The following MYH13 variants were observed in gnomAD, a reference collection of about 807,000 sequenced individuals.
The protein encoded by MYH13 is myosin-13.
MYH13 carries 177 observed loss-of-function variants against 232.1 expected under a neutral mutation model. That is an observed-to-expected ratio of 0.76 (90% CI 0.67 to 0.86). The LOEUF (loss-of-function observed/expected upper bound fraction) is 0.86, where lower values mean the gene tolerates loss of function less well. Among genes scored for constraint, MYH13 ranks in the 40% least tolerant of loss-of-function variants. The probability of loss-of-function intolerance (pLI) is 0.00; values close to 1 mark genes in which losing one functional copy is unlikely to be tolerated. For missense variants in MYH13, 2,246 were observed against 2,405.9 expected (o/e 0.93, Z 1.39); for synonymous variants, 884 against 923.5 (o/e 0.96, Z 0.78).
intron 23 of MYH13, among the ~76,000 whole-genome samples, chr17:10,323,775 AAAAAAAAAAAAAAAGAAG>A (rs1275918208): frequency 5.1e-5 from 4 of 77,874 alleles, no homozygotes; most frequent in African/African-American, 1.9e-4. Flanking sequence ...AAAAAAAAAA[AAAAAAAAAAAAAAAGAAG>A]AAGAAGAAGA....
At chr17:10,350,090 C>A (rs1427930409) in intron 12 of MYH13, among the ~76,000 whole-genome samples, 4 of 152,054 alleles carry the variant, frequency 2.6e-5, no homozygotes, top group Non-Finnish European at 5.9e-5. Flanking sequence ...GGAGGAAGAA[C>A]CGTTCACCAT....
chr17:10,309,917 A>T, intron 33 of MYH13, 87 bp from the exon 34 acceptor site: 1 of 1,085,080 alleles, frequency 9.2e-7, no homozygotes, highest in Non-Finnish European at 1.2e-6. Flanking sequence ...TCAAATGGGT[A>T]TGCGTTTTTT....
At position 10,304,274 on chromosome 17, in the gene MYH13, C is replaced by T. The variant is rs553877580; in HGVS notation, c.5467-776G>A. On this transcript the variant is annotated intron_variant, in intron 37 of 40. Transcript: ENST00000252172. The surrounding 1 kb of genome is among the most constrained non-coding windows in gnomAD (Gnocchi z 5.3). ...CAGAACTTAAAGTTAGAACAAAAAA[C>T]GATCCCCTAATGGGATTTTGCCAAG... 2.7e-4 allele frequency among the ~76,000 whole-genome samples: 41 copies of T among 152,300 alleles called. No individual in the cohort carries two copies. The highest frequency in any genetic ancestry group is 9.4e-4 in the African/African-American group (39 of 41,578).
chr17:10,308,040 C>T (rs560808522), intron 35 of MYH13, among the ~76,000 whole-genome samples: 5 of 152,180 alleles, frequency 3.3e-5, no homozygotes, highest in African/African-American at 1.2e-4. Context: ...TTAAAGATGT[C>T]GAAGCTGGGC....
At chr17:10,360,567 G>C (rs551134737) in intron 5 of MYH13, among the ~76,000 whole-genome samples, 8 of 152,128 alleles carry the variant, frequency 5.3e-5, no homozygotes, top group Non-Finnish European at 7.4e-5. Context: ...TATAGATGCT[G>C]GTTGGTTTCA....
At chr17:10,339,121 C>G (rs756362756) in intron 18 of MYH13, among the ~76,000 whole-genome samples, 47 of 151,762 alleles carry the variant, frequency 3.1e-4, no homozygotes, top group Non-Finnish European at 6.0e-4. Flanking sequence ...CCTCTGTTCA[C>G]TCATAATGTT....
At chr17:10,347,565 G>A (rs1263754017) in intron 12 of MYH13, among the ~76,000 whole-genome samples, 3 of 152,080 alleles carry the variant, frequency 2.0e-5, no homozygotes, top group Admixed American at 1.3e-4. Context: ...ATGGTCAAAA[G>A]CACTTGACTT....
intron 26 of MYH13, 110 bp downstream of exon 26, chr17:10,320,043 G>C: frequency 1.2e-6 from 1 of 800,692 alleles, no homozygotes; most frequent in Non-Finnish European, 2.0e-6. Flanking sequence ...ATCTTCTCTA[G>C]CTTTAGCAGG....
At position 10,314,573 on chromosome 17, in the gene MYH13, C is replaced by T. The variant is rs1036108390; in HGVS notation, c.3984+1120G>A. ...ACCACTTCCCCTTTCCCCTCATCTACCAAAGATCTTTACCATACAACAGAA... is the reference window on the plus strand; with the variant it reads ...ACCACTTCCCCTTTCCCCTCATCTATCAAAGATCTTTACCATACAACAGAA... On this transcript the variant is annotated intron_variant, in intron 29 of 40. Coordinates refer to ENST00000252172, the MANE Select transcript of MYH13 (RefSeq NM_003802.3). Among the ~76,000 whole-genome samples the T allele has an allele frequency of 4.6e-5, 7 of 152,182 alleles. 1 individual carries two copies. Among genetic ancestry groups the T allele is most frequent in the Admixed American group, 4.6e-4 (7 of 15,280 alleles).
chr17:10,361,129 C>T (rs1650290477), intron 5 of MYH13, among the ~76,000 whole-genome samples: 1 of 152,114 alleles, frequency 6.6e-6, no homozygotes, highest in Admixed American at 6.5e-5. Flanking sequence ...TGGTATTAGT[C>T]TTCCCTTTAA....
At chr17:10,346,033 C>T (rs2071664433) in intron 13 of MYH13, among the ~76,000 whole-genome samples, 2 of 132,116 alleles carry the variant, frequency 1.5e-5, no homozygotes, top group Non-Finnish European at 3.2e-5. Context: ...AAAAGAAAAT[C>T]AAAAGCAGTT....
chr17:10,313,117 T>C (rs2142224011), intron 30 of MYH13, 41 bp downstream of exon 30: 1 of 1,613,370 alleles, frequency 6.2e-7, no homozygotes, highest in African/African-American at 1.3e-5. Context: ...TTGGCTTGTG[T>C]CCTCGGGCCC....
chr17:10,307,004 C>T lies in MYH13; in HGVS notation c.5230G>A (p.Glu1744Lys), dbSNP rs763287635. 7 of 1,613,928 alleles carry T rather than the reference C, an allele frequency of 4.3e-6. No homozygotes were observed. Among genetic ancestry groups the T allele is most frequent in the African/African-American group, 1.3e-5 (1 of 74,932 alleles). ...GACTCCTGGATCGAGTTCTCCACCT[C>T]TGCCTGGCACTGAGCTATGTCAGCC... is the stretch of plus-strand genomic sequence containing the variant. ...LEADIAQCQA[E>K]VENSIQESRN... The change falls in exon 36 of 41, where the codon GAG (glutamate) becomes AAG (lysine). Residue 1744 changes from glutamate to lysine, a missense_variant. Coordinates refer to ENST00000252172, the MANE Select transcript of MYH13 (RefSeq NM_003802.3).
intron 20 of MYH13, among the ~76,000 whole-genome samples, chr17:10,331,307 G>A (rs1907401625): frequency 6.6e-6 from 1 of 152,144 alleles, no homozygotes; most frequent in Non-Finnish European, 1.5e-5. Flanking sequence ...GGGCCAGCAG[G>A]CTCTTCCTTG....
intron 15 of MYH13, 37 bp from the exon 16 acceptor site, chr17:10,344,146 C>T: frequency 6.3e-7 from 1 of 1,598,760 alleles, no homozygotes; most frequent in Admixed American, 1.7e-5. Flanking sequence ...TATAATAGTG[C>T]ATACCCATGC....
At chr17:10,356,634 A>G (rs1285364624) in intron 8 of MYH13, among the ~76,000 whole-genome samples, 2 of 152,224 alleles carry the variant, frequency 1.3e-5, no homozygotes, top group Admixed American at 1.3e-4. Context: ...ATCCAAGGAA[A>G]CAAAAGTCAA....
chr17:10,334,355 T>G (rs1907515300), intron 18 of MYH13, among the ~76,000 whole-genome samples: 1 of 152,230 alleles, frequency 6.6e-6, no homozygotes, highest in Non-Finnish European at 1.5e-5. Flanking sequence ...AGAGCTGCAC[T>G]GTCAGATACC....
chr17:10,322,327 G>T (rs984265616), intron 23 of MYH13, among the ~76,000 whole-genome samples: 8 of 152,126 alleles, frequency 5.3e-5, no homozygotes, highest in Non-Finnish European at 1.0e-4. Context: ...GAAAACAGGA[G>T]GCAGAGGTTG....
At position 10,309,250 on chromosome 17, in the gene MYH13, T is replaced by C; in HGVS notation, c.5153A>G (p.Gln1718Arg). 4 of 1,613,432 alleles carry C rather than the reference T, an allele frequency of 2.5e-6. No homozygotes were observed. Among genetic ancestry groups the C allele is most frequent in the Non-Finnish European group, 3.4e-6 (4 of 1,179,788 alleles). The stretch of plus-strand genomic sequence containing the variant: ...CCGACGCACCTGGGAGTGCAGGAGC[T>C]GCACGCGGTCGCTGGCGTCCAGCAG... ...QELLDASDRV[Q>R]LLHSQNTSLI... Residue 1718 changes from glutamine to arginine, a missense_variant, in exon 35 of 41, where the codon CAG becomes CGG. Coordinates refer to ENST00000252172, the MANE Select transcript of MYH13 (RefSeq NM_003802.3).
Sources: gnomAD v4.1 joint callset for allele counts (sites outside exome capture counted in the v4.1 genomes callset) on GRCh38, gnomAD v4.1.1 for gene constraint, Gnocchi (gnomAD v3.1) non-coding constraint, MANE v1.5 for transcripts, NCBI Gene and HGNC (gene_info 2026-07-23, HGNC 2026-07-21) for gene names.